PIAS3: variants seen among roughly 807,000 people sequenced by gnomAD.
PIAS3 encodes protein inhibitor of activated STAT 3.
In PIAS3, 34 loss-of-function variants were observed where a neutral mutation model predicts 67.6. That is an observed-to-expected ratio of 0.50 (90% CI 0.38 to 0.67). The LOEUF is 0.67. PIAS3 is among the 30% of genes least tolerant of loss of function. The pLI is 0.00. For missense variants in PIAS3, 693 were observed against 791.6 expected (o/e 0.88, Z 1.49); for synonymous variants, 341 against 313.8 (o/e 1.09, Z -0.92).
chr1:145,855,640 T>C (rs931881157), intron 5 of PIAS3, 96 bp downstream of exon 5: 4 of 728,572 alleles, frequency 5.5e-6, no homozygotes, highest in African/African-American at 1.8e-5. Context: ...TGCCACGCAC[T>C]GTGCTAGGCA....
chr1:145,849,705 C>CCAT lies in PIAS3; in HGVS notation c.1625_1627dup (p.Tyr542_Gly543insAsp). The CCAT allele has an allele frequency of 6.3e-7, 1 of 1,599,394 alleles. No individual in the cohort carries two copies. The highest frequency in any genetic ancestry group is 8.5e-7 in the Non-Finnish European group (1 of 1,173,354). On this transcript the variant is annotated inframe_insertion, in exon 14 of 14. Transcript: ENST00000393045. ...ATCTAGTGAGGTGATGACAGAGGGG[C>CCAT]CATAGTGCTAGGAAGAATCAAGGGC...
rs1653098308 is a variant in PIAS3 at position 145,854,828 on chromosome 1, G to T, written c.722C>A (p.Pro241His). 6.2e-7 allele frequency: 1 copy of T among 1,614,098 alleles called. No individual in the cohort carries two copies. Among genetic ancestry groups the T allele is most frequent in the Admixed American group, 1.7e-5 (1 of 60,014 alleles). Reference sequence around the variant, plus strand: ...TCGAGCCAGGGGTGTGATGTTGATGGGGCGGCTGGGCCTCTTGGGCTCGGC... The same window carrying T: ...TCGAGCCAGGGGTGTGATGTTGATGTGGCGGCTGGGCCTCTTGGGCTCGGC... ...NGAEPKRPSR[P>H]INITPLARLS... The change falls in exon 6 of 14, where the codon CCC becomes CAC. Residue 241 changes from proline to histidine, a missense_variant. By Grantham distance (77) the Pro-to-His change is moderately conservative. Around this residue, in one of 3 missense-constraint regions of PIAS3, gnomAD observed 308 missense variants for 348.8 expected, o/e 0.88. Coordinates refer to ENST00000393045, the MANE Select transcript of PIAS3 (RefSeq NM_006099.3).
chr1:145,856,338 G>A lies in PIAS3; in HGVS notation c.527+9C>T, dbSNP rs201021857. ...CAGGGATGAGGCAGGAAGACTGGAA[G>A]AGATGTACCTGGATGTAAGAATCTG... On this transcript the variant is annotated intron_variant, in intron 3 of 13. Transcript: ENST00000393045. 6.2e-7 allele frequency: 1 copy of A among 1,609,252 alleles called. No homozygotes were observed. Among genetic ancestry groups the A allele is most frequent in the East Asian group, 2.2e-5 (1 of 44,848 alleles).
intron 4 of PIAS3, 71 bp downstream of exon 4, chr1:145,855,997 G>C (rs782252189): frequency 1.7e-5 from 21 of 1,272,034 alleles, no homozygotes; most frequent in Non-Finnish European, 2.3e-5. Flanking sequence ...TCTCGTAAGG[G>C]TATCTGTCAT....
At chr1:145,849,954 A>C in intron 13 of PIAS3, 1 of 1,422,590 alleles carries the variant, frequency 7.0e-7, no homozygotes, top group Non-Finnish European at 9.1e-7. Flanking sequence ...AAATGTGTGG[A>C]ATGTCCGGTT....
chr1:145,850,854 T>C lies in PIAS3; in HGVS notation c.1365A>G (p.Ser455=), dbSNP rs1652928345. ...TAGGGGGCAGATCCTCCTCATCTGA[T>C]GAGCTTTCTATTGTCAAGTCAATAA... is the stretch of plus-strand genomic sequence containing the variant. ...VEVIDLTIES[S]SDEEDLPPTK... is the part of the protein sequence containing the mutation. Residue 455 remains serine (S), a synonymous_variant, in exon 11 of 14, where the codon TCA becomes TCG. Transcript: ENST00000393045. 1 of 1,613,640 alleles carries C rather than the reference T, an allele frequency of 6.2e-7. No homozygotes were observed. The highest frequency in any genetic ancestry group is 1.1e-5 in the South Asian group (1 of 91,078).
Position 145,850,498 on chromosome 1 carries a change from G to A in PIAS3, c.1537C>T (p.Leu513=). ...LGGDFLSSLP[L]HEYPPAFPLG... is the part of the protein sequence containing the mutation. The stretch of plus-strand genomic sequence containing the variant: ...GGGAAGGCAGGTGGGTACTCATGTA[G>A]TGGGAGACTGGACAGGAAATCCCCA... Residue 513 remains leucine (L), a synonymous_variant, in exon 12 of 14, where the codon CTA becomes TTA. Transcript: ENST00000393045. The A allele has an allele frequency of 1.2e-6, 2 of 1,614,208 alleles. No individual in the cohort carries two copies. Among genetic ancestry groups the A allele is most frequent in the South Asian group, 2.2e-5 (2 of 91,090 alleles).
At position 145,859,067 on chromosome 1, in the gene PIAS3, C is replaced by G; in HGVS notation, c.-77G>C. The stretch of plus-strand genomic sequence containing the variant: ...CGGCGCACAACTCTCCACCCTGGCG[C>G]CGGCCGCAAATGCCGCCTGCTCCGC... On this transcript the variant is annotated 5_prime_UTR_variant, in exon 1 of 14. Transcript: ENST00000393045. 1 of 1,458,982 alleles carries G rather than the reference C, an allele frequency of 6.9e-7. No homozygotes were observed. The highest frequency in any genetic ancestry group is 9.2e-7 in the Non-Finnish European group (1 of 1,088,178). 90.4% of individuals were successfully genotyped at this position (1,458,982 alleles called of 1,614,324 possible). A position where few individuals can be genotyped will look rare whatever the true frequency, so the allele number is the denominator to read the frequency against.
intron 8 of PIAS3, 73 bp downstream of exon 8, chr1:145,853,740 G>C: frequency 8.1e-6 from 13 of 1,606,792 alleles, no homozygotes; most frequent in Non-Finnish European, 1.1e-5. Context: ...AGTATCCCTA[G>C]GAACCCTCAT....
chr1:145,859,040 A>C lies in PIAS3; in HGVS notation c.-50T>G. On this transcript the variant is annotated 5_prime_UTR_variant, in exon 1 of 14. Transcript: ENST00000393045. ...CCGGAGCCGGAGCTCAGGCCCAGGGACCGGCGCACAACTCTCCACCCTGGC... is the reference window on the plus strand; with the variant it reads ...CCGGAGCCGGAGCTCAGGCCCAGGGCCCGGCGCACAACTCTCCACCCTGGC... The C allele has an allele frequency of 6.5e-7, 1 of 1,531,192 alleles. No homozygotes were observed. Among genetic ancestry groups the C allele is most frequent in the Non-Finnish European group, 8.8e-7 (1 of 1,137,846 alleles). The allele number at this position is 1,531,192 out of a possible 1,614,324, so 94.9% of individuals were successfully genotyped here.
Position 145,853,810 on chromosome 1 carries a change from C to T in PIAS3, c.984+3G>A, listed in dbSNP as rs1653056400. Reference sequence around the variant, plus strand: ...CCCTGTTCCCTTCTCCCCTTTTACCCACCGGGCACATGAGTGACACCCGGA... The same window carrying T: ...CCCTGTTCCCTTCTCCCCTTTTACCTACCGGGCACATGAGTGACACCCGGA... On this transcript the variant is annotated splice_donor_region_variant and intron_variant, in intron 8 of 13. Transcript: ENST00000393045. 7 of 1,613,934 alleles carry T rather than the reference C, an allele frequency of 4.3e-6. No homozygotes were observed. In the East Asian group the frequency reaches 1.6e-4, roughly 36 times the overall value.
Position 145,856,743 on chromosome 1 carries a change from A to C in PIAS3, c.288T>G (p.Ile96Met), listed in dbSNP as rs782071033. 10 of 1,613,614 alleles carry C rather than the reference A, an allele frequency of 6.2e-6. No individual in the cohort carries two copies. The highest frequency in any genetic ancestry group is 1.3e-5 in the African/African-American group (1 of 74,796). Residue 96 changes from isoleucine (I) to methionine (M), a missense_variant, in exon 2 of 14, where the codon ATT becomes ATG. By Grantham distance (10) the Ile-to-Met change is conservative. Around this residue, in one of 3 missense-constraint regions of PIAS3, gnomAD observed 308 missense variants for 348.8 expected, o/e 0.88. Coordinates refer to ENST00000393045, the MANE Select transcript of PIAS3 (RefSeq NM_006099.3). ...PVGSPGPLAP[I>M]PPTLLAPGTL... ...TGCCAGGGGCCAACAGCGTTGGGGG[A>C]ATGGGAGCTAGAGGACCAGGGGAGC...
intron 7 of PIAS3, 154 bp downstream of exon 7, chr1:145,854,304 G>T: frequency 1.6e-6 from 1 of 630,220 alleles, no homozygotes; most frequent in Non-Finnish European, 2.8e-6. Flanking sequence ...ATAAAGACTG[G>T]AAGACTGGTC....
chr1:145,857,020 C>G lies in PIAS3; in HGVS notation c.25-14G>C. On this transcript the variant is annotated splice_polypyrimidine_tract_variant and intron_variant, in intron 1 of 13. Transcript: ENST00000393045. The stretch of plus-strand genomic sequence containing the variant: ...CATCACCATGTGCTGTGGAGAAAAA[C>G]AGAGAAGCTTGAGCATCCTCCCTTG... The G allele has an allele frequency of 6.2e-7, 1 of 1,611,452 alleles. No individual in the cohort carries two copies. Among genetic ancestry groups the G allele is most frequent in the Non-Finnish European group, 8.5e-7 (1 of 1,178,296 alleles).
chr1:145,856,036 G>A (rs781909384), intron 4 of PIAS3, 32 bp downstream of exon 4: 10 of 1,586,416 alleles, frequency 6.3e-6, no homozygotes, highest in Non-Finnish European at 8.7e-6. Flanking sequence ...CCCCCAGTGG[G>A]TACCCAGGAT....
chr1:145,849,781 A>G, intron 13 of PIAS3, 69 bp from the exon 14 acceptor site: 1 of 1,512,574 alleles, frequency 6.6e-7, no homozygotes, highest in Non-Finnish European at 8.8e-7. Flanking sequence ...CACTCATCTC[A>G]GAAATGCCGT....
chr1:145,854,001 T>TG (rs1382151890), intron 7 of PIAS3, 115 bp from the exon 8 acceptor site: 2 of 775,196 alleles, frequency 2.6e-6, no homozygotes, highest in African/African-American at 3.4e-5. Flanking sequence ...GGAGCGTCTT[T>TG]GGGGGCCAGT....
intron 2 of PIAS3, 70 bp downstream of exon 2, chr1:145,856,519 C>T (rs1653194212): frequency 1.1e-5 from 18 of 1,598,032 alleles, no homozygotes; most frequent in Non-Finnish European, 1.5e-5. Flanking sequence ...TCCCATAGGA[C>T]TAAAGCCTAA....
At position 145,859,032 on chromosome 1, in the gene PIAS3, G is replaced by T; in HGVS notation, c.-42C>A. The T allele has an allele frequency of 6.5e-7, 1 of 1,538,304 alleles. No homozygotes were observed. On this transcript the variant is annotated 5_prime_UTR_variant, in exon 1 of 14. Transcript: ENST00000393045. ...CGCCCCAGCCGGAGCCGGAGCTCAG[G>T]CCCAGGGACCGGCGCACAACTCTCC...
Sources: gnomAD v4.1 joint callset for allele counts on GRCh38, gnomAD v4.1.1 for gene constraint, gnomAD v4.1.1 regional missense constraint, MANE v1.5 for transcripts, NCBI Gene and HGNC (gene_info 2026-07-23, HGNC 2026-07-21) for gene names.